The following ANKRD11 variants were observed in gnomAD, a reference collection of about 807,000 sequenced individuals.
ANKRD11 encodes the protein ankyrin repeat domain-containing protein 11.
Under a neutral mutation model 195.7 loss-of-function variants are expected in ANKRD11, and 17 were observed. The ratio of observed to expected loss-of-function variants is 0.09; its 90% CI spans 0.06 to 0.13. The LOEUF (loss-of-function observed/expected upper bound fraction) is 0.13, where lower values mean the gene tolerates loss of function less well. Ranked by LOEUF, ANKRD11 falls within the 10% of genes least tolerant of loss-of-function variation. The pLI, the probability that ANKRD11 is intolerant of heterozygous loss-of-function variation, is 1.00. For synonymous variants in ANKRD11, 1,953 were observed against 1,528.1 expected (o/e 1.28, Z -6.49); for missense variants, 3,735 against 3,566.1 (o/e 1.05, Z -1.21).
intron 2 of ANKRD11, among the ~76,000 whole-genome samples, chr16:89,381,354 A>AAAAAAG (rs1555560066): frequency 2.0e-4 from 25 of 125,334 alleles, no homozygotes; most frequent in African/African-American, 8.2e-4. Flanking sequence ...AAAAAAAAAA[A>AAAAAAG]GGGGTGAGAA....
At chr16:89,364,842 C>A (rs574301716) in intron 2 of ANKRD11, among the ~76,000 whole-genome samples, 1 of 152,344 alleles carries the variant, frequency 6.6e-6, no homozygotes, top group Non-Finnish European at 1.5e-5. Context: ...CACGGCCAAC[C>A]TGATCCCACT....
intron 1 of ANKRD11, among the ~76,000 whole-genome samples, chr16:89,457,622 T>C (rs1241034935): frequency 2.0e-5 from 3 of 150,268 alleles, no homozygotes; most frequent in South Asian, 2.1e-4. Context: ...TCCATTCATA[T>C]GAAATTCTAA....
At chr16:89,286,416 C>T (rs564462914) in intron 7 of ANKRD11, 72 of 656,106 alleles carry the variant, frequency 1.1e-4, no homozygotes, top group African/African-American at 9.6e-4. Flanking sequence ...CGGGGGCTCC[C>T]GCACCCCTCC....
Position 89,282,423 on chromosome 16 carries a change from C to T in ANKRD11, c.4119G>A (p.Lys1373=). The change falls in exon 9 of 13, where the codon AAG becomes AAA. Residue 1373 remains lysine (K), a synonymous_variant. Transcript: ENST00000301030. The part of the protein sequence containing the change: ...RERAKKEKAE[K]KEKGEDYKEG... ...CCTTGTAATCTTCGCCCTTCTCTTT[C>T]TTCTCGGCCTTCTCTTTCTTGGCTC... 2 of 1,614,166 alleles carry T rather than the reference C, an allele frequency of 1.2e-6. No homozygotes were observed. The highest frequency in any genetic ancestry group is 1.7e-6 in the Non-Finnish European group (2 of 1,180,014).
intron 2 of ANKRD11, among the ~76,000 whole-genome samples, chr16:89,329,995 A>AAAAAT (rs71134203): frequency 0.46 from 67,926 of 146,082 alleles, 16,290 homozygotes; most frequent in East Asian, 0.57. Flanking sequence ...ACCTTGTCTC[A>AAAAAT]AAAATAAAAT....
intron 4 of ANKRD11, among the ~76,000 whole-genome samples, chr16:89,296,274 T>C (rs983848107): frequency 1.3e-5 from 2 of 152,168 alleles, no homozygotes; most frequent in African/African-American, 4.8e-5. Flanking sequence ...CTTGTGTTTT[T>C]ATGAACCTTG....
In ANKRD11 at chr16:89,331,020, C is replaced by G. The variant is rs977300849; in HGVS notation, c.-59-13942G>C. Among the ~76,000 whole-genome samples the G allele has an allele frequency of 2.6e-5, 4 of 152,208 alleles. No individual in the cohort carries two copies. The East Asian group carries it at 7.7e-4, about 29-fold the overall frequency. The stretch of plus-strand genomic sequence containing the variant: ...CCAGGCTGGAGTGCAATGGTGCCAT[C>G]TCGGCTCACTGCAACCTCTGCCTCC... On this transcript the variant is annotated intron_variant, in intron 2 of 12. Transcript: ENST00000301030.
At chr16:89,377,315 G>C (rs1305604516) in intron 2 of ANKRD11, among the ~76,000 whole-genome samples, 1 of 152,114 alleles carries the variant, frequency 6.6e-6, no homozygotes, top group African/African-American at 2.4e-5. Flanking sequence ...ATGACACCAT[G>C]AAAGATGCCA....
intron 2 of ANKRD11, among the ~76,000 whole-genome samples, chr16:89,358,065 G>A (rs1483545969): frequency 6.6e-6 from 1 of 152,230 alleles, no homozygotes; most frequent in Non-Finnish European, 1.5e-5. Flanking sequence ...TGGAGGAAGT[G>A]AGTGAGGCAC....
chr16:89,352,358 G>A (rs895771511), intron 2 of ANKRD11, among the ~76,000 whole-genome samples: 1 of 151,600 alleles, frequency 6.6e-6, no homozygotes, highest in Non-Finnish European at 1.5e-5. Flanking sequence ...TCTAGGCACC[G>A]CAATGTCTCA....
Position 89,473,207 on chromosome 16 carries a change from T to C in ANKRD11, c.-145+17038A>G, listed in dbSNP as rs76131527. On this transcript the variant is annotated intron_variant, in intron 1 of 12. Transcript: ENST00000301030. ...AAAAAAAAAAGGATCATTGGGAACATGGAGGCCTGAAGGATGAGTAGGCAT... is the reference window on the plus strand; with the variant it reads ...AAAAAAAAAAGGATCATTGGGAACACGGAGGCCTGAAGGATGAGTAGGCAT... Among the ~76,000 whole-genome samples, 336 of 148,070 alleles carry C rather than the reference T, an allele frequency of 2.3e-3. 14 individuals carry two copies. In the East Asian group the frequency reaches 0.06, roughly 26 times the overall value.
At chr16:89,294,707 A>G (rs542995994) in intron 4 of ANKRD11, among the ~76,000 whole-genome samples, 1 of 152,280 alleles carries the variant, frequency 6.6e-6, no homozygotes, top group African/African-American at 2.4e-5. Flanking sequence ...CTTGACGTGC[A>G]CACACACAGC....
At chr16:89,483,368 C>T (rs2057504760) in intron 1 of ANKRD11, among the ~76,000 whole-genome samples, 1 of 152,184 alleles carries the variant, frequency 6.6e-6, no homozygotes, top group Admixed American at 6.5e-5. Context: ...GATCTAAAGA[C>T]TTTGCCAAAG....
chr16:89,381,906 G>A lies in ANKRD11; in HGVS notation c.-60+36378C>T, dbSNP rs75261580. ...CTCACGTGGTGACCACAGTCCAGCCGACTGCACTCTCAGGCTGTGACCTCT... is the reference window on the plus strand; with the variant it reads ...CTCACGTGGTGACCACAGTCCAGCCAACTGCACTCTCAGGCTGTGACCTCT... On this transcript the variant is annotated intron_variant, in intron 2 of 12. Transcript: ENST00000301030. Among the ~76,000 whole-genome samples the A allele has an allele frequency of 0.019, 2,912 of 152,326 alleles. 214 individuals carry two copies. The East Asian group carries it at 0.21, about 11-fold the overall frequency.
intron 2 of ANKRD11, among the ~76,000 whole-genome samples, chr16:89,380,671 A>G (rs1180327781): frequency 2.6e-5 from 4 of 152,232 alleles, no homozygotes; most frequent in Admixed American, 6.5e-5. Context: ...CAGAAACTCT[A>G]GAAATAAATG....
chr16:89,279,922 G>T lies in ANKRD11; in HGVS notation c.6620C>A (p.Pro2207His). ...TRLPAELEPEPSGEPKLDVAL... is the reference protein window; with the variant it reads ...TRLPAELEPEHSGEPKLDVAL... ...CACGTCCAGCTTTGGCTCCCCTGAGGGCTCAGGCTCGAGCTCTGCAGGGAG... is the reference window on the plus strand; with the variant it reads ...CACGTCCAGCTTTGGCTCCCCTGAGTGCTCAGGCTCGAGCTCTGCAGGGAG... Residue 2207 changes from proline (P) to histidine (H), a missense_variant, in exon 9 of 13, where the codon CCC becomes CAC. Coordinates refer to ENST00000301030, the MANE Select transcript of ANKRD11 (RefSeq NM_013275.6). The surrounding 1 kb of genome is among the most constrained non-coding windows in gnomAD (Gnocchi z 5.6). 1 of 1,609,996 alleles carries T rather than the reference G, an allele frequency of 6.2e-7. No homozygotes were observed. The highest frequency in any genetic ancestry group is 1.1e-5 in the South Asian group (1 of 90,934).
intron 2 of ANKRD11, among the ~76,000 whole-genome samples, chr16:89,390,068 A>G (rs2041113191): frequency 1.6e-5 from 1 of 60,998 alleles, no homozygotes. Context: ...TGGGGCGAAC[A>G]CCGAGTGTGG....
At chr16:89,407,868 AAAAAAG>A (rs1426790143) in intron 2 of ANKRD11, among the ~76,000 whole-genome samples, 30 of 150,828 alleles carry the variant, frequency 2.0e-4, no homozygotes, top group East Asian at 5.8e-4. Context: ...AAAAAAAAAA[AAAAAAG>A]AAGAAGAAGA....
In ANKRD11 at chr16:89,407,682, CACAT is replaced by C. The variant is rs1276677385; in HGVS notation, c.-60+10598_-60+10601del. On this transcript the variant is annotated intron_variant, in intron 2 of 12. Transcript: ENST00000301030. ...TCAAACACACATACACACACACACACACATAGACACACACAGAATTAGCCAGGCA... is the reference window on the plus strand; with the variant it reads ...TCAAACACACATACACACACACACACAGACACACACAGAATTAGCCAGGCA... 3.3e-5 allele frequency among the ~76,000 whole-genome samples: 5 copies of C among 151,840 alleles called. No homozygotes were observed. In the East Asian group the frequency reaches 7.7e-4, roughly 23 times the overall value.
Sources: gnomAD v4.1 joint callset for allele counts (sites outside exome capture counted in the v4.1 genomes callset) on GRCh38, gnomAD v4.1.1 for gene constraint, Gnocchi (gnomAD v3.1) non-coding constraint, MANE v1.5 for transcripts, NCBI Gene and HGNC (gene_info 2026-07-23, HGNC 2026-07-21) for gene names.